ZNF609: variants seen among roughly 807,000 people sequenced by gnomAD.
ZNF609 encodes zinc finger protein 609.
ZNF609 carries 11 observed loss-of-function variants against 109.5 expected under a neutral mutation model. The observed-to-expected ratio is 0.10, with a 90% CI of 0.06 to 0.17. The LOEUF (loss-of-function observed/expected upper bound fraction) is 0.17, where lower values mean the gene tolerates loss of function less well. ZNF609 is among the 10% of genes least tolerant of loss of function. The probability of loss-of-function intolerance (pLI) is 1.00; values close to 1 mark genes in which losing one functional copy is unlikely to be tolerated. For synonymous variants in ZNF609, 646 were observed against 662.0 expected, an observed-to-expected ratio of 0.98 and a Z score of 0.37; for missense variants, 1,559 against 1,772.4, an observed-to-expected ratio of 0.88 and a Z score of 2.16.
chr15:64,581,080 C>G (rs1307695037), intron 2 of ZNF609, among the ~76,000 whole-genome samples: 1 of 144,470 alleles, frequency 6.9e-6, no homozygotes, highest in Admixed American at 7.4e-5. Flanking sequence ...AGTGGCTATT[C>G]ACAGTTACAC....
intron 2 of ZNF609, among the ~76,000 whole-genome samples, chr15:64,531,918 A>G (rs1240532126): frequency 1.3e-5 from 2 of 152,114 alleles, no homozygotes; most frequent in African/African-American, 4.8e-5. Context: ...AAACTTGTCC[A>G]TTCATTATCA....
At chr15:64,500,194 A>G (rs1595700163) in intron 2 of ZNF609, 28 bp downstream of exon 2, 1 of 1,607,604 alleles carries the variant, frequency 6.2e-7, no homozygotes. Flanking sequence ...ATGGCTGCCC[A>G]CTGACTGCCA....
intron 1 of ZNF609, among the ~76,000 whole-genome samples, chr15:64,463,290 T>TG (rs1486367987): frequency 6.6e-6 from 1 of 151,894 alleles, no homozygotes; most frequent in Non-Finnish European, 1.5e-5. Flanking sequence ...CCCAGCTTCT[T>TG]GGGAGGCTGA....
intron 1 of ZNF609, among the ~76,000 whole-genome samples, chr15:64,484,251 G>A (rs1469813316): frequency 6.6e-6 from 1 of 152,138 alleles, no homozygotes; most frequent in Non-Finnish European, 1.5e-5. Flanking sequence ...TATGCTTCAG[G>A]AATATCTTGA....
At chr15:64,533,146 G>T (rs113543795) in intron 2 of ZNF609, among the ~76,000 whole-genome samples, 3,168 of 151,814 alleles carry the variant, frequency 0.021, 121 homozygotes, top group African/African-American at 0.07. Context: ...TACCTCCCAC[G>T]TTTAAGCGAT....
chr15:64,655,212 C>T (rs1251391666), intron 3 of ZNF609, among the ~76,000 whole-genome samples: 5 of 151,496 alleles, frequency 3.3e-5, no homozygotes, highest in Admixed American at 1.3e-4. Flanking sequence ...TGGTGGCTCA[C>T]GCCTGTTGGA....
At chr15:64,577,066 A>G (rs1392916042) in intron 2 of ZNF609, among the ~76,000 whole-genome samples, 2 of 101,332 alleles carry the variant, frequency 2.0e-5, no homozygotes, top group Non-Finnish European at 2.1e-5. Flanking sequence ...ACATATATGT[A>G]TATATACACA....
chr15:64,538,508 A>G (rs1198829003), intron 2 of ZNF609, among the ~76,000 whole-genome samples: 1 of 152,134 alleles, frequency 6.6e-6, no homozygotes, highest in Non-Finnish European at 1.5e-5. Flanking sequence ...TAAAAGTTTT[A>G]TCTGTAAAGT....
intron 2 of ZNF609, among the ~76,000 whole-genome samples, chr15:64,571,133 T>G (rs1002592083): frequency 6.6e-6 from 1 of 152,222 alleles, no homozygotes; most frequent in Non-Finnish European, 1.5e-5. Context: ...GAGTAAGTGC[T>G]AAGGTTGATA....
chr15:64,676,300 C>G, intron 5 of ZNF609, 44 bp downstream of exon 5: 1 of 1,528,510 alleles, frequency 6.5e-7, no homozygotes, highest in Non-Finnish European at 8.8e-7. Context: ...GTATGGTAAT[C>G]GTCTATCTTC....
In ZNF609 at chr15:64,499,470, G is replaced by A. The variant is rs200786851; in HGVS notation, c.51G>A (p.Pro17=). ...ASGGKGVDAN[P]VETYDSGDEW... is the part of the protein sequence containing the mutation. ...GAGGGAAAGGAGTGGATGCAAACCC[G>A]GTTGAGACATACGACAGTGGGGATG... The change falls in exon 2 of 10, where the codon CCG becomes CCA. Residue 17 remains proline (P), a synonymous_variant. Transcript: ENST00000326648. 5.0e-6 allele frequency: 8 copies of A among 1,614,074 alleles called. No individual in the cohort carries two copies. The highest frequency in any genetic ancestry group is 4.0e-5 in the African/African-American group (3 of 74,992).
At chr15:64,466,269 A>G (rs1160307784) in intron 1 of ZNF609, among the ~76,000 whole-genome samples, 2 of 152,246 alleles carry the variant, frequency 1.3e-5, no homozygotes, top group African/African-American at 2.4e-5. Flanking sequence ...TTGTGCCACT[A>G]TAATAGGAAT....
intron 2 of ZNF609, chr15:64,500,691 A>C: frequency 2.1e-6 from 1 of 471,420 alleles, no homozygotes. Context: ...CCGGCTACCA[A>C]AGAGCGAAGG....
At chr15:64,678,617 T>A in intron 6 of ZNF609, 135 bp downstream of exon 6, 1 of 1,282,110 alleles carries the variant, frequency 7.8e-7, no homozygotes, top group Non-Finnish European at 1.0e-6. Context: ...TTTCACTGAG[T>A]CATTCTGTGA....
Position 64,659,024 on chromosome 15 carries a change from T to A in ZNF609, c.974-11322T>A, listed in dbSNP as rs186402040. On this transcript the variant is annotated intron_variant, in intron 3 of 9. Coordinates refer to ENST00000326648, the MANE Select transcript of ZNF609 (RefSeq NM_015042.2). The stretch of plus-strand genomic sequence containing the variant: ...TGGCCAGGCTAGTGTCCAACTGGCC[T>A]CAAGTGATCTGCTCACCTCAGCCTC... 3.1e-3 allele frequency among the ~76,000 whole-genome samples: 478 copies of A among 152,234 alleles called. 4 individuals are homozygous for A. The highest frequency in any genetic ancestry group is 0.011 in the African/African-American group (447 of 41,542).
At chr15:64,601,092 G>C (rs1197289989) in intron 2 of ZNF609, among the ~76,000 whole-genome samples, 1 of 152,054 alleles carries the variant, frequency 6.6e-6, no homozygotes, top group Non-Finnish European at 1.5e-5. Context: ...CCTGTGATTT[G>C]GCCCTCTTGT....
chr15:64,617,098 G>GTA (rs1895811931), intron 2 of ZNF609, among the ~76,000 whole-genome samples: 1 of 151,718 alleles, frequency 6.6e-6, no homozygotes, highest in African/African-American at 2.4e-5. Context: ...GTGAGCCACT[G>GTA]CGTCCGGCCT....
chr15:64,497,124 C>A (rs1273878400), intron 1 of ZNF609, among the ~76,000 whole-genome samples: 3 of 152,146 alleles, frequency 2.0e-5, no homozygotes, highest in Non-Finnish European at 4.4e-5. Flanking sequence ...CTAGAGTTAT[C>A]ATTTCATAAG....
chr15:64,551,278 A>G (rs1894466646), intron 2 of ZNF609, among the ~76,000 whole-genome samples: 1 of 152,096 alleles, frequency 6.6e-6, no homozygotes, highest in South Asian at 2.1e-4. Context: ...TTATCTTATG[A>G]CTTCTTTTCA....
Sources: gnomAD v4.1 joint callset for allele counts (sites outside exome capture counted in the v4.1 genomes callset) on GRCh38, gnomAD v4.1.1 for gene constraint, MANE v1.5 for transcripts, NCBI Gene and HGNC (gene_info 2026-07-23, HGNC 2026-07-21) for gene names.